The following BTBD1 variants were observed in gnomAD, a reference collection of about 807,000 sequenced individuals.
BTBD1 encodes the protein BTB domain containing 1, also known as BTB/POZ domain-containing protein 1.
Under a neutral mutation model 48.0 loss-of-function variants are expected in BTBD1, and 34 were observed. The observed-to-expected ratio is 0.71, with a 90% CI of 0.54 to 0.94. The LOEUF (loss-of-function observed/expected upper bound fraction) is 0.94. Among genes scored for constraint, BTBD1 ranks in the 40% least tolerant of loss-of-function variants. BTBD1 has a pLI of 0.00. For missense variants in BTBD1, 543 were observed against 625.6 expected (o/e 0.87, Z 1.41); for synonymous variants, 261 against 242.1 (o/e 1.08, Z -0.72).
At chr15:83,047,575 T>C (rs553811265) in intron 3 of BTBD1, among the ~76,000 whole-genome samples, 1 of 152,284 alleles carries the variant, frequency 6.6e-6, no homozygotes, top group East Asian at 1.9e-4. Flanking sequence ...ACCAATAAAA[T>C]AACAGCCAAA....
At chr15:83,032,773 G>A (rs1567105271) in intron 4 of BTBD1, among the ~76,000 whole-genome samples, 1 of 151,770 alleles carries the variant, frequency 6.6e-6, no homozygotes, top group Non-Finnish European at 1.5e-5. Context: ...TACATGTTTG[G>A]TACCATTCCC....
rs2032278114 is a variant in BTBD1, at chr15:83,020,726, A to G, written c.1092T>C (p.Phe364=). The G allele has an allele frequency of 6.2e-7, 1 of 1,608,532 alleles. No individual in the cohort carries two copies. The highest frequency in any genetic ancestry group is 1.3e-5 in the African/African-American group (1 of 74,934). The change falls in exon 6 of 8, where the codon TTT becomes TTC. Residue 364 remains phenylalanine, a synonymous_variant. Coordinates refer to ENST00000261721, the MANE Select transcript of BTBD1 (RefSeq NM_025238.4). ...GGCCATGAATAGATCCATACAAGCC[A>G]AATCCAACTATAGAGATCCTTCTAT... The part of the protein sequence containing the change: ...TVNRRISIVG[F]GLYGSIHGPT...
chr15:83,065,369 C>T (rs1045807306), intron 1 of BTBD1, among the ~76,000 whole-genome samples: 3 of 152,170 alleles, frequency 2.0e-5, no homozygotes, highest in African/African-American at 7.2e-5. Flanking sequence ...TAATTACCAG[C>T]CAGGTAAAAC....
chr15:83,018,285 G>A, intron 7 of BTBD1, 60 bp from the exon 8 acceptor site: 1 of 1,319,502 alleles, frequency 7.6e-7, no homozygotes, highest in African/African-American at 1.5e-5. Flanking sequence ...AGTTTAATGT[G>A]GTGTTTTAAT....
At chr15:83,021,619 T>C (rs1367278261) in intron 5 of BTBD1, among the ~76,000 whole-genome samples, 1 of 152,062 alleles carries the variant, frequency 6.6e-6, no homozygotes, top group African/African-American at 2.4e-5. Flanking sequence ...CTGGGCATGA[T>C]AGCAGGCACC....
chr15:83,025,872 C>T (rs2032395478), intron 5 of BTBD1, among the ~76,000 whole-genome samples: 1 of 152,086 alleles, frequency 6.6e-6, no homozygotes, highest in Admixed American at 6.6e-5. Flanking sequence ...CGGGTTCACG[C>T]AATTCTCCTG....
chr15:83,038,021 T>C (rs1367414796), intron 4 of BTBD1, among the ~76,000 whole-genome samples: 1 of 151,976 alleles, frequency 6.6e-6, no homozygotes, highest in African/African-American at 2.4e-5. Flanking sequence ...GAGGCAGAGG[T>C]TGCAGTGAGC....
intron 1 of BTBD1, among the ~76,000 whole-genome samples, chr15:83,062,297 T>C (rs2033188914): frequency 1.3e-5 from 2 of 152,126 alleles, no homozygotes; most frequent in African/African-American, 2.4e-5. Context: ...AGTAGTTTGG[T>C]TGAAGCAATG....
chr15:83,035,061 T>A (rs1291437130), intron 4 of BTBD1, among the ~76,000 whole-genome samples: 1 of 152,060 alleles, frequency 6.6e-6, no homozygotes, highest in Non-Finnish European at 1.5e-5. Flanking sequence ...TGGGAGGCCA[T>A]GATGGGTGGA....
chr15:83,040,002 C>CGG (rs1423760044), intron 4 of BTBD1, among the ~76,000 whole-genome samples: 1 of 150,202 alleles, frequency 6.7e-6, no homozygotes, highest in African/African-American at 2.5e-5. Flanking sequence ...CACACACACA[C>CGG]ACACACACAC....
chr15:83,025,847 G>A (rs1353333421), intron 5 of BTBD1, among the ~76,000 whole-genome samples: 1 of 151,896 alleles, frequency 6.6e-6, no homozygotes, highest in African/African-American at 2.4e-5. Flanking sequence ...TTGGCTCACT[G>A]CCAGCTCCGC....
At chr15:83,059,102 G>C (rs911629579) in intron 1 of BTBD1, among the ~76,000 whole-genome samples, 9 of 152,198 alleles carry the variant, frequency 5.9e-5, no homozygotes, top group Admixed American at 3.9e-4. Flanking sequence ...TTACAGCAAT[G>C]TCTTCTGTAT....
chr15:83,053,597 T>C (rs2033031964), intron 2 of BTBD1, among the ~76,000 whole-genome samples: 1 of 152,212 alleles, frequency 6.6e-6, no homozygotes, highest in Admixed American at 6.5e-5. Context: ...AAAATAAAAG[T>C]AGTTAAGTGA....
intron 5 of BTBD1, among the ~76,000 whole-genome samples, chr15:83,028,334 T>A (rs2032451726): frequency 6.6e-6 from 1 of 152,208 alleles, no homozygotes; most frequent in Non-Finnish European, 1.5e-5. Flanking sequence ...CTTTGATCTG[T>A]TGTGAGAATT....
intron 2 of BTBD1, among the ~76,000 whole-genome samples, chr15:83,051,006 T>C (rs2151310533): frequency 6.7e-6 from 1 of 148,512 alleles, no homozygotes; most frequent in Middle Eastern, 3.6e-3. Flanking sequence ...GCTTTATCAA[T>C]ACATATGTTA....
intron 5 of BTBD1, among the ~76,000 whole-genome samples, chr15:83,026,764 C>T (rs1292600913): frequency 5.9e-5 from 9 of 152,136 alleles, no homozygotes; most frequent in African/African-American, 1.2e-4. Context: ...TGAGGTGATC[C>T]GCCCGCCTCG....
chr15:83,045,091 T>TA (rs2032851295), intron 3 of BTBD1, among the ~76,000 whole-genome samples: 1 of 152,222 alleles, frequency 6.6e-6, no homozygotes. Context: ...TACTTTAAAT[T>TA]AAATTTAAAT....
intron 3 of BTBD1, among the ~76,000 whole-genome samples, chr15:83,046,283 A>G (rs1423722923): frequency 6.6e-6 from 1 of 152,210 alleles, no homozygotes; most frequent in African/African-American, 2.4e-5. Flanking sequence ...TTTTTTAATT[A>G]ATTACCAATT....
chr15:83,066,251 G>A (rs537947033), intron 1 of BTBD1, among the ~76,000 whole-genome samples: 64 of 152,274 alleles, frequency 4.2e-4, no homozygotes, highest in Non-Finnish European at 7.5e-4. Context: ...AGTGAGCCAT[G>A]ATCGCGCTAC....
Sources: allele counts gnomAD v4.1 joint callset (sites outside exome capture counted in the v4.1 genomes callset), GRCh38; gene constraint gnomAD v4.1.1; transcripts MANE v1.5; gene names NCBI Gene and HGNC (gene_info 2026-07-23, HGNC 2026-07-21).